SPINT3: variants seen among roughly 807,000 people sequenced by gnomAD.
The protein encoded by SPINT3 is kunitz-type protease inhibitor 3.
Under a neutral mutation model 3.3 loss-of-function variants are expected in SPINT3, and 4 were observed. That is an observed-to-expected ratio of 1.22 (90% confidence interval 0.60 to 2.79). The LOEUF is 2.79. SPINT3 is among the 30% of genes most tolerant of loss of function. The pLI is 0.01. For synonymous variants in SPINT3, 30 were observed against 38.6 expected (o/e 0.78, Z 0.83); for missense variants, 97 against 104.3 (o/e 0.93, Z 0.31).
At position 45,512,733 on chromosome 20, in the gene SPINT3, A is replaced by G; in HGVS notation, c.188T>C (p.Leu63Ser). 6 of 1,551,728 alleles carry G rather than the reference A, an allele frequency of 3.9e-6. No homozygotes were observed. The highest frequency in any genetic ancestry group is 1.7e-4 in the Middle Eastern group (1 of 5,992). ...FFNFETGECE[L>S]FAYGGCGGNS... is the part of the protein sequence containing the mutation. The stretch of plus-strand genomic sequence containing the variant: ...GCCTCCGCAGCCTCCGTAAGCAAAT[A>G]ACTCACATTCACCAGTTTCAAAGTT... The change falls in exon 2 of 2, where the codon TTA becomes TCA. Residue 63 changes from leucine to serine, a missense_variant. Transcript: ENST00000217428.
At chr20:45,512,877 C>A in intron 1 of SPINT3, 33 bp from the exon 2 acceptor site, 1 of 1,519,414 alleles carries the variant, frequency 6.6e-7, no homozygotes. Flanking sequence ...GGAGACCAAA[C>A]CCATCACCTT....
At position 45,512,679 on chromosome 20, in the gene SPINT3, T is replaced by A. The variant is rs1376163935; in HGVS notation, c.242A>T (p.Lys81Ile). The A allele has an allele frequency of 6.4e-7, 1 of 1,551,640 alleles. No homozygotes were observed. Among genetic ancestry groups the A allele is most frequent in the South Asian group, 1.2e-5 (1 of 84,048 alleles). The change falls in exon 2 of 2, where the codon AAA becomes ATA. Residue 81 changes from lysine to isoleucine, a missense_variant. By Grantham distance (102) the Lys-to-Ile change is moderately radical (BLOSUM62 -3). Coordinates refer to ENST00000217428, the MANE Select transcript of SPINT3 (RefSeq NM_006652.2). The stretch of plus-strand genomic sequence containing the variant: ...GGTGAACTTGCAGAATTTCTCACAT[T>A]TTTCTTTCCTCAAAAAGTTGTTGCT... Reference protein sequence around the residue: ...GNSNNFLRKEKCEKFCKFT With the variant: ...GNSNNFLRKEICEKFCKFT
chr20:45,513,844 A>G (rs1187202546), intron 1 of SPINT3, among the ~76,000 whole-genome samples: 2 of 152,258 alleles, frequency 1.3e-5, no homozygotes, highest in South Asian at 2.1e-4. Context: ...AGGAAGCAGT[A>G]GGACCAAGAA....
intron 1 of SPINT3, 77 bp downstream of exon 1, chr20:45,515,456 T>C (rs1978846425): frequency 2.4e-6 from 3 of 1,241,756 alleles, no homozygotes; most frequent in Non-Finnish European, 3.5e-6. Flanking sequence ...CTGTTTGTGC[T>C]GCATCACCTC....
rs1268984748 is a variant in SPINT3 at position 45,512,606 on chromosome 20, C to G, written c.*45G>C. The G allele has an allele frequency of 1.3e-6, 2 of 1,535,342 alleles. No individual in the cohort carries two copies. The highest frequency in any genetic ancestry group is 1.8e-6 in the Non-Finnish European group (2 of 1,136,054). ...ACACGCAAATGCCTTCTATGGCCCT[C>G]AGAGCAATCCCGAATCCATGGAGGG... is the stretch of plus-strand genomic sequence containing the variant. On this transcript the variant is annotated 3_prime_UTR_variant, in exon 2 of 2. Transcript: ENST00000217428.
At chr20:45,515,425 C>A (rs931700685) in intron 1 of SPINT3, 108 bp downstream of exon 1, 4 of 910,164 alleles carry the variant, frequency 4.4e-6, no homozygotes, top group Non-Finnish European at 6.9e-6. Flanking sequence ...ACTCTCAATC[C>A]GGTAAGGTAA....
At chr20:45,515,463 C>T in intron 1 of SPINT3, 70 bp downstream of exon 1, 1 of 1,321,610 alleles carries the variant, frequency 7.6e-7, no homozygotes, top group Non-Finnish European at 1.1e-6. Flanking sequence ...TGCTGCATCA[C>T]CTCCCCCACC....
In SPINT3 at chr20:45,513,024, T is replaced by C. The variant is rs141223159; in HGVS notation, c.77-180A>G. Among the ~76,000 whole-genome samples the C allele has an allele frequency of 3.2e-3, 484 of 152,334 alleles. 2 individuals carry two copies. The highest frequency in any genetic ancestry group is 0.011 in the African/African-American group (457 of 41,570). ...TCTACACAGAAGTTGACATTTTCAC[T>C]TCTGAGAGTAGCCTGATGTGGTGAT... On this transcript the variant is annotated intron_variant, in intron 1 of 1. Transcript: ENST00000217428.
Position 45,512,650 on chromosome 20 carries a change from A to C in SPINT3, c.*1T>G, listed in dbSNP as rs540173935. The C allele has an allele frequency of 1.3e-6, 2 of 1,551,404 alleles. No homozygotes were observed. The highest frequency in any genetic ancestry group is 1.7e-6 in the Non-Finnish European group (2 of 1,146,910). ...TGGAGGGCTGTGTTCTTGTTAGAAA[A>C]TCAGGTGAACTTGCAGAATTTCTCA... On this transcript the variant is annotated 3_prime_UTR_variant, in exon 2 of 2. Transcript: ENST00000217428.
chr20:45,512,957 C>T, intron 1 of SPINT3, 113 bp from the exon 2 acceptor site: 2 of 761,138 alleles, frequency 2.6e-6, no homozygotes, highest in South Asian at 3.7e-5. Context: ...TCCACAATGG[C>T]TGTGCTCTGT....
chr20:45,513,014 A>T (rs1427389944), intron 1 of SPINT3, among the ~76,000 whole-genome samples, 170 bp from the exon 2 acceptor site: 1 of 152,216 alleles, frequency 6.6e-6, no homozygotes, highest in East Asian at 1.9e-4. Flanking sequence ...ACAGAAGTTG[A>T]CATTTTCACT....
At chr20:45,515,465 T>TCCCCCCCCCCCCC in intron 1 of SPINT3, 68 bp downstream of exon 1, 1 of 1,333,644 alleles carries the variant, frequency 7.5e-7, no homozygotes, top group Non-Finnish European at 1.0e-6. Flanking sequence ...CTGCATCACC[T>TCCCCCCCCCCCCC]CCCCCACCAC....
chr20:45,514,106 G>A (rs1978811027), intron 1 of SPINT3, among the ~76,000 whole-genome samples: 1 of 152,214 alleles, frequency 6.6e-6, no homozygotes, highest in African/African-American at 2.4e-5. Context: ...ATGTTCTTAA[G>A]ACATCCTAGT....
chr20:45,513,100 C>T (rs528923512), intron 1 of SPINT3, among the ~76,000 whole-genome samples: 3 of 152,214 alleles, frequency 2.0e-5, no homozygotes, highest in Admixed American at 6.5e-5. Context: ...CTCGCGCAGC[C>T]ACTTGCTACT....
intron 1 of SPINT3, among the ~76,000 whole-genome samples, chr20:45,513,045 G>T (rs894261982): frequency 6.6e-6 from 1 of 152,230 alleles, no homozygotes; most frequent in Non-Finnish European, 1.5e-5. Flanking sequence ...GCCTGATGTG[G>T]TGATAATCAT....
Position 45,512,833 on chromosome 20 carries a change from C to T in SPINT3, c.88G>A (p.Asp30Asn). The T allele has an allele frequency of 3.9e-6, 6 of 1,551,454 alleles. No individual in the cohort carries two copies. The highest frequency in any genetic ancestry group is 5.2e-6 in the Non-Finnish European group (6 of 1,146,898). Residue 30 changes from aspartate to asparagine, a missense_variant, in exon 2 of 2, where the codon GAT (aspartate) becomes AAT (asparagine). Transcript: ENST00000217428. ...RSELARDTIK[D>N]LLPNVCAFPM... is the part of the protein sequence containing the mutation. ...AAAGCGCATACATTTGGGAGGAGAT[C>T]CTTGATAGTGTCTGAAGAGAGAAAG...
At chr20:45,513,812 G>A (rs932331542) in intron 1 of SPINT3, among the ~76,000 whole-genome samples, 1 of 152,230 alleles carries the variant, frequency 6.6e-6, no homozygotes, top group African/African-American at 2.4e-5. Context: ...GATAAATGAA[G>A]TACCTGTCCT....
At chr20:45,514,636 T>C (rs1978824018) in intron 1 of SPINT3, among the ~76,000 whole-genome samples, 1 of 152,144 alleles carries the variant, frequency 6.6e-6, no homozygotes, top group African/African-American at 2.4e-5. Context: ...ACCTCCACAG[T>C]TTCTGATCAG....
rs1325370716 is a variant in SPINT3 at position 45,512,758 on chromosome 20, T to C, written c.163A>G (p.Asn55Asp). ...CQTYMTRWFF[N>D]FETGECELFA... is the part of the protein sequence containing the mutation. ...AACTCACATTCACCAGTTTCAAAGT[T>C]GAAAAACCATCGCGTCATGTAGGTT... The change falls in exon 2 of 2, where the codon AAC becomes GAC. Residue 55 changes from asparagine to aspartate, a missense_variant. By Grantham distance (23) the Asn-to-Asp change is conservative. Coordinates refer to ENST00000217428, the MANE Select transcript of SPINT3 (RefSeq NM_006652.2). 3.9e-6 allele frequency: 6 copies of C among 1,551,698 alleles called. No individual in the cohort carries two copies. Among genetic ancestry groups the C allele is most frequent in the Non-Finnish European group, 5.2e-6 (6 of 1,146,986 alleles).
Sources: allele counts gnomAD v4.1 joint callset (sites outside exome capture counted in the v4.1 genomes callset), GRCh38; gene constraint gnomAD v4.1.1; transcripts MANE v1.5; gene names NCBI Gene and HGNC (gene_info 2026-07-23, HGNC 2026-07-21).